Variants in ST6GAL1 observed in about 807,000 individuals in gnomAD.
ST6GAL1 encodes beta-galactoside alpha-2,6-sialyltransferase 1.
In ST6GAL1, 20 loss-of-function variants were observed where a neutral mutation model predicts 38.0. That is an observed-to-expected ratio of 0.53 (90% CI 0.37 to 0.77). The LOEUF is 0.77. Ranked by LOEUF, ST6GAL1 falls within the 30% of genes least tolerant of loss-of-function variation. The probability of loss-of-function intolerance (pLI) is 0.00; values close to 1 mark genes in which losing one functional copy is unlikely to be tolerated. For synonymous variants in ST6GAL1, 196 were observed against 188.2 expected (o/e 1.04, Z -0.34); for missense variants, 432 against 496.4 (o/e 0.87, Z 1.23).
intron 2 of ST6GAL1, among the ~76,000 whole-genome samples, chr3:186,998,910 G>A (rs920426229): frequency 6.6e-6 from 1 of 152,164 alleles, no homozygotes; most frequent in East Asian, 1.9e-4. Flanking sequence ...GTTTATTACA[G>A]AACTATCTAA....
At chr3:186,958,444 G>A (rs946021784) in intron 1 of ST6GAL1, among the ~76,000 whole-genome samples, 1 of 151,938 alleles carries the variant, frequency 6.6e-6, no homozygotes, top group Admixed American at 6.6e-5. Flanking sequence ...TTCTATAATA[G>A]GAAGTTAGTG....
At chr3:186,975,883 G>A (rs1017673023) in intron 2 of ST6GAL1, among the ~76,000 whole-genome samples, 2 of 152,168 alleles carry the variant, frequency 1.3e-5, no homozygotes, top group African/African-American at 4.8e-5. Flanking sequence ...CTGGCCCTGG[G>A]AGGAACTGGG....
intron 5 of ST6GAL1, among the ~76,000 whole-genome samples, chr3:187,063,309 TAGA>T (rs990411616): frequency 9.2e-5 from 14 of 152,110 alleles, no homozygotes; most frequent in African/African-American, 3.4e-4. Context: ...CAGTCAGTAT[TAGA>T]AGGATGAGAG....
chr3:187,070,632 C>T (rs566800066), intron 5 of ST6GAL1, among the ~76,000 whole-genome samples: 7 of 151,888 alleles, frequency 4.6e-5, no homozygotes, highest in Non-Finnish European at 7.4e-5. Flanking sequence ...ACCATGTTGG[C>T]CAGGATGGTC....
Position 186,971,804 on chromosome 3 carries a change from G to A in ST6GAL1, c.-183+7878G>A, listed in dbSNP as rs76272829. On this transcript the variant is annotated intron_variant, in intron 2 of 7. Coordinates refer to ENST00000169298, the MANE Select transcript of ST6GAL1 (RefSeq NM_173216.2). ...CACCCTGTTCCTCCCTGGTGCCAGC[G>A]TGCCAACATCTCTACTTACTGGCAG... Among the ~76,000 whole-genome samples the A allele has an allele frequency of 4.4e-3, 668 of 152,236 alleles. 3 individuals are homozygous for A. The highest frequency in any genetic ancestry group is 0.015 in the African/African-American group (641 of 41,534).
intron 2 of ST6GAL1, among the ~76,000 whole-genome samples, chr3:186,980,186 G>C (rs77299467): frequency 0.063 from 9,575 of 152,168 alleles, 388 homozygotes; most frequent in East Asian, 0.18. Flanking sequence ...TGAGACTCTT[G>C]TTAAAAGAGC....
chr3:186,983,140 A>C (rs1024611552), intron 2 of ST6GAL1, among the ~76,000 whole-genome samples: 1 of 152,208 alleles, frequency 6.6e-6, no homozygotes, highest in African/African-American at 2.4e-5. Flanking sequence ...AGTGTCTAGC[A>C]GGTAATAATT....
chr3:187,075,483 G>C lies in ST6GAL1; in HGVS notation c.980-79G>C. ...AAGCTCTCCAAATTTGGGGTCATGAGCTGCTGAACCCACTGGGCAGAGCTC... is the reference window on the plus strand; with the variant it reads ...AAGCTCTCCAAATTTGGGGTCATGACCTGCTGAACCCACTGGGCAGAGCTC... On this transcript the variant is annotated intron_variant, in intron 7 of 7. Transcript: ENST00000169298. The surrounding 1 kb of genome is among the most constrained non-coding windows in gnomAD (Gnocchi z 4.1). 1.3e-6 allele frequency: 2 copies of C among 1,564,258 alleles called. No individual in the cohort carries two copies. Among genetic ancestry groups the C allele is most frequent in the Non-Finnish European group, 1.7e-6 (2 of 1,152,942 alleles).
chr3:186,991,503 C>A (rs1352980954), intron 2 of ST6GAL1, among the ~76,000 whole-genome samples: 2 of 152,136 alleles, frequency 1.3e-5, no homozygotes, highest in African/African-American at 2.4e-5. Flanking sequence ...ATTTGATACA[C>A]TTTTTATGTC....
chr3:187,005,929 G>C (rs1716771754), intron 2 of ST6GAL1, among the ~76,000 whole-genome samples: 1 of 152,114 alleles, frequency 6.6e-6, no homozygotes, highest in Non-Finnish European at 1.5e-5. Flanking sequence ...TGGAAGAGGA[G>C]ACATAGGCAT....
chr3:187,018,451 A>G (rs769155745), intron 2 of ST6GAL1, among the ~76,000 whole-genome samples: 2 of 152,170 alleles, frequency 1.3e-5, no homozygotes, highest in Non-Finnish European at 2.9e-5. Flanking sequence ...GAGGTCCCAC[A>G]TAGTCCATCT....
intron 3 of ST6GAL1, 102 bp from the exon 4 acceptor site, chr3:187,042,552 A>T: frequency 8.9e-7 from 1 of 1,128,120 alleles, no homozygotes; most frequent in Non-Finnish European, 1.2e-6. Flanking sequence ...CTGGAATTCA[A>T]GTCACCTCAT....
chr3:187,074,929 T>C (rs1196392833), intron 7 of ST6GAL1, among the ~76,000 whole-genome samples: 1 of 152,170 alleles, frequency 6.6e-6, no homozygotes, highest in African/African-American at 2.4e-5. Flanking sequence ...TAAATAAAGA[T>C]AGGATCAGTA....
chr3:187,019,650 A>G (rs115976167), intron 2 of ST6GAL1, among the ~76,000 whole-genome samples: 1 of 152,306 alleles, frequency 6.6e-6, no homozygotes, highest in Non-Finnish European at 1.5e-5. Context: ...GGCACACATT[A>G]AGAATCCAAG....
intron 2 of ST6GAL1, among the ~76,000 whole-genome samples, chr3:187,028,234 T>TTTAG (rs1336721980): frequency 6.6e-6 from 1 of 152,196 alleles, no homozygotes; most frequent in Admixed American, 6.5e-5. Flanking sequence ...GTGGAGTTTA[T>TTTAG]TTAGAACTCA....
chr3:186,987,223 CAAGG>C (rs781392723), intron 2 of ST6GAL1, among the ~76,000 whole-genome samples: 28 of 147,224 alleles, frequency 1.9e-4, no homozygotes, highest in Admixed American at 1.2e-3. Flanking sequence ...GGAAAGAAAG[CAAGG>C]AAGGAAGGAA....
At chr3:187,005,770 C>T (rs772982030) in intron 2 of ST6GAL1, among the ~76,000 whole-genome samples, 4 of 152,028 alleles carry the variant, frequency 2.6e-5, no homozygotes, top group East Asian at 1.9e-4. Flanking sequence ...ACTGGTGTAT[C>T]GAGGGAGAGA....
intron 2 of ST6GAL1, among the ~76,000 whole-genome samples, chr3:186,964,966 C>T (rs764327317): frequency 1.1e-4 from 17 of 152,152 alleles, no homozygotes; most frequent in Non-Finnish European, 1.6e-4. Context: ...ATACAACAAT[C>T]GTGAGGGTCC....
At chr3:186,932,517 T>G (rs1267711040) in intron 1 of ST6GAL1, among the ~76,000 whole-genome samples, 1 of 152,262 alleles carries the variant, frequency 6.6e-6, no homozygotes, top group Non-Finnish European at 1.5e-5. Flanking sequence ...TTACTCTCCT[T>G]CAAGCCTTTC....
Sources: allele counts gnomAD v4.1 joint callset (sites outside exome capture counted in the v4.1 genomes callset), GRCh38; gene constraint gnomAD v4.1.1; non-coding constraint Gnocchi (gnomAD v3.1); transcripts MANE v1.5; gene names NCBI Gene and HGNC (gene_info 2026-07-23, HGNC 2026-07-21).